The following ASIC2 variants were observed in gnomAD, a reference collection of about 807,000 sequenced individuals.
ASIC2 encodes acid sensing ion channel subunit 2.
ASIC2 carries 25 observed loss-of-function variants against 57.3 expected under a neutral mutation model. That is an observed-to-expected ratio of 0.44 (90% CI 0.32 to 0.61). The LOEUF (loss-of-function observed/expected upper bound fraction) is 0.61. ASIC2 is among the 20% of genes least tolerant of loss of function. The probability of loss-of-function intolerance (pLI) is 0.06; values close to 1 mark genes in which losing one functional copy is unlikely to be tolerated. For missense variants in ASIC2, 641 were observed against 738.1 expected (o/e 0.87, Z 1.52); for synonymous variants, 319 against 307.5 (o/e 1.04, Z -0.39).
chr17:33,853,337 G>C (rs1056572153), intron 1 of ASIC2, among the ~76,000 whole-genome samples: 1 of 152,204 alleles, frequency 6.6e-6, no homozygotes, highest in African/African-American at 2.4e-5. Flanking sequence ...GGCTCACCCG[G>C]CCTGGCAGGG....
At chr17:33,980,268 A>G (rs1400137454) in intron 1 of ASIC2, among the ~76,000 whole-genome samples, 1 of 152,136 alleles carries the variant, frequency 6.6e-6, no homozygotes, top group Non-Finnish European at 1.5e-5. Context: ...CCAAGGACAG[A>G]CAGAGCTCAA....
At chr17:33,687,588 T>C (rs773670056) in intron 1 of ASIC2, among the ~76,000 whole-genome samples, 1 of 152,160 alleles carries the variant, frequency 6.6e-6, no homozygotes, top group Non-Finnish European at 1.5e-5. Flanking sequence ...CCATTCCTAT[T>C]GTGCCCCAGC....
intron 3 of ASIC2, among the ~76,000 whole-genome samples, chr17:33,083,261 A>G (rs1252114328): frequency 2.6e-5 from 4 of 152,204 alleles, no homozygotes; most frequent in Non-Finnish European, 1.5e-5. Flanking sequence ...CTCTGAGACT[A>G]TAAGAGACAA....
intron 1 of ASIC2, among the ~76,000 whole-genome samples, chr17:33,799,533 C>A (rs1912069009): frequency 1.4e-5 from 2 of 145,064 alleles, no homozygotes; most frequent in South Asian, 4.4e-4. Context: ...TTCTTTCTTC[C>A]ACAAGCTTTC....
intron 3 of ASIC2, among the ~76,000 whole-genome samples, chr17:33,068,306 G>A (rs1367988728): frequency 3.3e-5 from 5 of 152,164 alleles, no homozygotes; most frequent in African/African-American, 9.7e-5. Context: ...TAGAAAATAA[G>A]TGATTGTGCC....
At chr17:33,765,840 G>A (rs548305507) in intron 1 of ASIC2, among the ~76,000 whole-genome samples, 12 of 152,296 alleles carry the variant, frequency 7.9e-5, no homozygotes, top group African/African-American at 1.4e-4. Flanking sequence ...GGTCTTTGGC[G>A]TCCCTTCCCG....
chr17:33,584,732 G>C (rs1352790660), intron 1 of ASIC2, among the ~76,000 whole-genome samples: 1 of 152,098 alleles, frequency 6.6e-6, no homozygotes, highest in East Asian at 1.9e-4. Context: ...AGGAGGTACT[G>C]GTGATGGAGT....
At chr17:33,421,728 C>T (rs1295342994) in intron 1 of ASIC2, among the ~76,000 whole-genome samples, 1 of 152,198 alleles carries the variant, frequency 6.6e-6, no homozygotes, top group Non-Finnish European at 1.5e-5. Flanking sequence ...AGAGAATCCT[C>T]TTTGTTATGT....
chr17:33,579,347 C>G (rs1490747533), intron 1 of ASIC2, among the ~76,000 whole-genome samples: 2 of 149,666 alleles, frequency 1.3e-5, no homozygotes, highest in African/African-American at 2.5e-5. Flanking sequence ...CACACTGGAA[C>G]ACGATGTGGC....
intron 1 of ASIC2, among the ~76,000 whole-genome samples, chr17:33,755,975 G>A (rs958230962): frequency 2.6e-5 from 4 of 152,204 alleles, no homozygotes; most frequent in Non-Finnish European, 5.9e-5. Flanking sequence ...TGGGCATCAT[G>A]ACCGGGAACA....
At chr17:33,482,049 C>T (rs981447189) in intron 1 of ASIC2, among the ~76,000 whole-genome samples, 1 of 152,258 alleles carries the variant, frequency 6.6e-6, no homozygotes, top group Non-Finnish European at 1.5e-5. Flanking sequence ...CAGCTCTCTG[C>T]TGCTCTGGTC....
At chr17:33,469,519 A>G (rs1304840515) in intron 1 of ASIC2, among the ~76,000 whole-genome samples, 1 of 151,980 alleles carries the variant, frequency 6.6e-6, no homozygotes, top group East Asian at 1.9e-4. Context: ...ACAGGCAGGA[A>G]CTCCAGCAGA....
intron 1 of ASIC2, among the ~76,000 whole-genome samples, chr17:33,956,227 C>A (rs576609247): frequency 6.6e-6 from 1 of 152,172 alleles, no homozygotes; most frequent in Admixed American, 6.5e-5. Flanking sequence ...GCTGGGAAAG[C>A]GCTCTTGAAG....
At chr17:33,470,513 A>G (rs1913013788) in intron 1 of ASIC2, among the ~76,000 whole-genome samples, 1 of 152,142 alleles carries the variant, frequency 6.6e-6, no homozygotes, top group Non-Finnish European at 1.5e-5. Context: ...CTTTTCCCTC[A>G]AACATTCTGA....
intron 1 of ASIC2, among the ~76,000 whole-genome samples, chr17:33,438,126 T>C (rs1325158861): frequency 6.6e-6 from 1 of 152,208 alleles, no homozygotes; most frequent in Non-Finnish European, 1.5e-5. Flanking sequence ...TCCATAGTTT[T>C]AGGCAAATTC....
intron 1 of ASIC2, among the ~76,000 whole-genome samples, chr17:33,387,081 T>G (rs1428449700): frequency 6.6e-6 from 1 of 152,010 alleles, no homozygotes; most frequent in African/African-American, 2.4e-5. Flanking sequence ...AGAGATGGGG[T>G]TTCACCATGT....
intron 1 of ASIC2, among the ~76,000 whole-genome samples, chr17:34,127,457 C>G (rs1185689995): frequency 1.3e-5 from 2 of 152,224 alleles, no homozygotes; most frequent in Non-Finnish European, 2.9e-5. Context: ...AATGTGGCCC[C>G]CACAGCCAGA....
intron 1 of ASIC2, chr17:34,039,587 G>T: frequency 1.9e-6 from 3 of 1,613,914 alleles, no homozygotes; most frequent in East Asian, 2.2e-5. Flanking sequence ...CTGGTTCCCG[G>T]CCCGCTTCCC....
chr17:33,869,982 C>T (rs537630482), intron 1 of ASIC2, among the ~76,000 whole-genome samples: 10 of 152,252 alleles, frequency 6.6e-5, no homozygotes, highest in African/African-American at 2.4e-4. Flanking sequence ...CTGTAGTTTG[C>T]CAGCCCCTGA....
Sources: gnomAD v4.1 joint callset for allele counts (sites outside exome capture counted in the v4.1 genomes callset) on GRCh38, gnomAD v4.1.1 for gene constraint, MANE v1.5 for transcripts, NCBI Gene and HGNC (gene_info 2026-07-23, HGNC 2026-07-21) for gene names.